MPPED2: variants seen among roughly 807,000 people sequenced by gnomAD.
MPPED2 encodes metallophosphoesterase domain containing 2.
Under a neutral mutation model 33.0 loss-of-function variants are expected in MPPED2, and 5 were observed. The ratio of observed to expected loss-of-function variants is 0.15; its 90% CI spans 0.08 to 0.32. The LOEUF (loss-of-function observed/expected upper bound fraction) is 0.32. Among genes scored for constraint, MPPED2 ranks in the 10% least tolerant of loss-of-function variants. MPPED2 has a pLI of 1.00. For synonymous variants in MPPED2, 136 were observed against 141.9 expected (o/e 0.96, Z 0.29); for missense variants, 275 against 372.1 (o/e 0.74, Z 2.15).
intron 4 of MPPED2, among the ~76,000 whole-genome samples, chr11:30,460,375 T>C (rs1950471923): frequency 6.6e-6 from 1 of 152,102 alleles, no homozygotes; most frequent in South Asian, 2.1e-4. Flanking sequence ...ATCCCAGTAC[T>C]TTGGAAGGCT....
At chr11:30,416,331 T>C (rs1416399323) in intron 5 of MPPED2, among the ~76,000 whole-genome samples, 1 of 152,248 alleles carries the variant, frequency 6.6e-6, no homozygotes, top group Non-Finnish European at 1.5e-5. Flanking sequence ...CTTCCACTGT[T>C]TCTTTGTGAA....
intron 3 of MPPED2, among the ~76,000 whole-genome samples, chr11:30,507,450 C>A (rs972442714): frequency 6.6e-6 from 1 of 152,128 alleles, no homozygotes; most frequent in Admixed American, 6.5e-5. Context: ...ATAATATCCA[C>A]GCTGGACAGG....
At chr11:30,417,686 T>TGGC in intron 4 of MPPED2, 53 bp from the exon 5 acceptor site, 1 of 1,016,812 alleles carries the variant, frequency 9.8e-7, no homozygotes. Flanking sequence ...ACGGCTCCGC[T>TGGC]CTGCAATATT....
At chr11:30,473,386 A>G (rs1164401351) in intron 4 of MPPED2, among the ~76,000 whole-genome samples, 2 of 152,172 alleles carry the variant, frequency 1.3e-5, no homozygotes, top group Admixed American at 6.6e-5. Context: ...GGTCCTACCT[A>G]GCTTCTGGAA....
chr11:30,549,522 G>T (rs1163388656), intron 2 of MPPED2, among the ~76,000 whole-genome samples: 1 of 152,184 alleles, frequency 6.6e-6, no homozygotes, highest in Non-Finnish European at 1.5e-5. Context: ...GTTCTACAAA[G>T]TTGCCTACTG....
At chr11:30,416,342 A>C (rs1010244981) in intron 5 of MPPED2, among the ~76,000 whole-genome samples, 1 of 152,276 alleles carries the variant, frequency 6.6e-6, no homozygotes, top group African/African-American at 2.4e-5. Flanking sequence ...TCTTTGTGAA[A>C]CATGGGCCAC....
intron 3 of MPPED2, among the ~76,000 whole-genome samples, chr11:30,500,503 ACTCTGTAGT>A (rs950335783): frequency 2.0e-5 from 3 of 152,096 alleles, no homozygotes; most frequent in Non-Finnish European, 4.4e-5. Flanking sequence ...AAGAATGGGG[ACTCTGTAGT>A]CTCTGCTACA....
At chr11:30,448,811 C>T (rs1021453067) in intron 4 of MPPED2, among the ~76,000 whole-genome samples, 4 of 152,018 alleles carry the variant, frequency 2.6e-5, no homozygotes, top group African/African-American at 4.8e-5. Flanking sequence ...AGTAGCACCA[C>T]CACGCCTGGC....
chr11:30,503,801 T>A (rs1215176279), intron 3 of MPPED2, among the ~76,000 whole-genome samples: 1 of 152,138 alleles, frequency 6.6e-6, no homozygotes, highest in Non-Finnish European at 1.5e-5. Context: ...GCACTCACAG[T>A]CAGTAAAGCT....
intron 4 of MPPED2, among the ~76,000 whole-genome samples, chr11:30,459,007 G>A (rs937722553): frequency 7.9e-6 from 1 of 126,300 alleles, no homozygotes; most frequent in Non-Finnish European, 1.6e-5. Flanking sequence ...CTCACTGCAA[G>A]CTCCGCCTCC....
At chr11:30,548,098 T>G (rs946995910) in intron 2 of MPPED2, among the ~76,000 whole-genome samples, 2 of 152,242 alleles carry the variant, frequency 1.3e-5, no homozygotes, top group Admixed American at 1.3e-4. Context: ...TACCTGGGTA[T>G]GACACTCTGG....
In MPPED2 at chr11:30,410,650, C is replaced by T; in HGVS notation, c.*818G>A. On this transcript the variant is annotated 3_prime_UTR_variant, in exon 7 of 7. Transcript: ENST00000358117. ...TGTGTTGCTATACAGCATCCCTTTG[C>T]AGTTGTACTGTCCTTGACAATAATA... 1.0e-6 allele frequency: 1 copy of T among 985,690 alleles called. No homozygotes were observed. The highest frequency in any genetic ancestry group is 1.2e-6 in the Non-Finnish European group (1 of 829,808). The allele number at this position is 985,690 out of a possible 1,614,324, so 61.1% of individuals were successfully genotyped here.
At chr11:30,430,382 T>C (rs1197322114) in intron 4 of MPPED2, among the ~76,000 whole-genome samples, 1 of 152,240 alleles carries the variant, frequency 6.6e-6, no homozygotes, top group Non-Finnish European at 1.5e-5. Flanking sequence ...AGCTTTTATA[T>C]TGAATACATG....
intron 3 of MPPED2, among the ~76,000 whole-genome samples, chr11:30,528,506 C>T (rs1223787344): frequency 1.3e-5 from 2 of 152,202 alleles, no homozygotes; most frequent in Non-Finnish European, 2.9e-5. Context: ...GATCCACCCT[C>T]TTTGGCTCCC....
intron 4 of MPPED2, among the ~76,000 whole-genome samples, chr11:30,470,122 A>G (rs1950886499): frequency 6.6e-6 from 1 of 152,114 alleles, no homozygotes; most frequent in Non-Finnish European, 1.5e-5. Flanking sequence ...AAAATTTATT[A>G]TTCATTTTCA....
chr11:30,511,186 C>T (rs1026826006), intron 3 of MPPED2, among the ~76,000 whole-genome samples: 1 of 152,012 alleles, frequency 6.6e-6, no homozygotes, highest in African/African-American at 2.4e-5. Flanking sequence ...GAAATAGGGC[C>T]CCAGAATGCC....
intron 6 of MPPED2, among the ~76,000 whole-genome samples, chr11:30,393,416 C>A (rs1211389898): frequency 6.6e-6 from 1 of 152,130 alleles, no homozygotes; most frequent in Non-Finnish European, 1.5e-5. Flanking sequence ...TCCATCTTGG[C>A]CTTGGGTAAG....
At chr11:30,403,341 A>G (rs979008560) in intron 6 of MPPED2, among the ~76,000 whole-genome samples, 6 of 152,238 alleles carry the variant, frequency 3.9e-5, no homozygotes, top group African/African-American at 1.4e-4. Context: ...ATAGCCAGTC[A>G]CAGGAAAGAA....
intron 2 of MPPED2, among the ~76,000 whole-genome samples, chr11:30,542,017 A>G (rs932633220): frequency 2.6e-5 from 4 of 152,206 alleles, no homozygotes. Context: ...TGGACATACT[A>G]TTTGATAAAG....
Sources: allele counts gnomAD v4.1 joint callset (sites outside exome capture counted in the v4.1 genomes callset), GRCh38; gene constraint gnomAD v4.1.1; transcripts MANE v1.5; gene names NCBI Gene and HGNC (gene_info 2026-07-23, HGNC 2026-07-21).